The following CDK5RAP2 variants were observed in gnomAD, a reference collection of about 807,000 sequenced individuals.
CDK5RAP2 encodes the protein CDK5 regulatory subunit-associated protein 2.
Under a neutral mutation model 232.9 loss-of-function variants are expected in CDK5RAP2, and 147 were observed. The ratio of observed to expected loss-of-function variants is 0.63; its 90% CI spans 0.55 to 0.72. CDK5RAP2 has a LOEUF of 0.72. Among genes scored for constraint, CDK5RAP2 ranks in the 30% least tolerant of loss-of-function variants. CDK5RAP2 has a pLI of 0.00. For missense variants in CDK5RAP2, 2,195 were observed against 2,231.5 expected, an observed-to-expected ratio of 0.98 and a Z score of 0.33; for synonymous variants, 833 against 833.7, an observed-to-expected ratio of 1.00 and a Z score of 0.01.
In CDK5RAP2 at chr9:120,403,582, C is replaced by A; in HGVS notation, c.5041+454G>T. 3.6e-6 allele frequency: 1 copy of A among 278,122 alleles called. No homozygotes were observed. The highest frequency in any genetic ancestry group is 7.0e-6 in the Non-Finnish European group (1 of 143,188). 17.2% of individuals were successfully genotyped at this position (278,122 alleles called of 1,614,324 possible). On this transcript the variant is annotated intron_variant, in intron 33 of 37. Coordinates refer to ENST00000349780, the MANE Select transcript of CDK5RAP2 (RefSeq NM_018249.6). This position sits in a 1 kb window ranked among gnomAD's most constrained non-coding sequence, Gnocchi z 4.2. ...ACCAAGGACAGCAGCAAAGGCATGT[C>A]ACAGAGAAATGTGTATTCATGATGA...
chr9:120,407,871 T>C (rs1030705922), intron 31 of CDK5RAP2: 2 of 262,804 alleles, frequency 7.6e-6, no homozygotes, highest in Admixed American at 4.9e-5. Flanking sequence ...GAGGTGTCCA[T>C]AAATGTTTGC....
At chr9:120,525,240 T>A (rs2040847678) in intron 10 of CDK5RAP2, among the ~76,000 whole-genome samples, 162 bp from the exon 11 acceptor site, 1 of 152,214 alleles carries the variant, frequency 6.6e-6, no homozygotes, top group Non-Finnish European at 1.5e-5. Flanking sequence ...ACTAGCTGGA[T>A]GACTTCAGGC....
chr9:120,542,495 CA>C (rs369756744), intron 5 of CDK5RAP2, among the ~76,000 whole-genome samples: 133 of 93,366 alleles, frequency 1.4e-3, no homozygotes, highest in East Asian at 1.4e-3. Context: ...GACTCCATCT[CA>C]AAAAAAAAAA....
chr9:120,514,774 A>C (rs1036355410), intron 12 of CDK5RAP2, among the ~76,000 whole-genome samples: 1 of 152,186 alleles, frequency 6.6e-6, no homozygotes, highest in Admixed American at 6.5e-5. Flanking sequence ...CCCTATTGCC[A>C]TCATAGTCCC....
chr9:120,405,900 G>A (rs760558915), intron 32 of CDK5RAP2, among the ~76,000 whole-genome samples: 1 of 151,856 alleles, frequency 6.6e-6, no homozygotes, highest in Non-Finnish European at 1.5e-5. Flanking sequence ...ACAAAGAAAG[G>A]ACACACAATG....
chr9:120,566,220 A>G (rs1321900690), intron 3 of CDK5RAP2, among the ~76,000 whole-genome samples: 3 of 152,228 alleles, frequency 2.0e-5, no homozygotes, highest in Non-Finnish European at 4.4e-5. Flanking sequence ...CATACAGATC[A>G]TGCATTTTGT....
intron 29 of CDK5RAP2, among the ~76,000 whole-genome samples, chr9:120,410,984 G>A (rs1177910871): frequency 6.6e-6 from 1 of 152,204 alleles, no homozygotes; most frequent in Non-Finnish European, 1.5e-5. Flanking sequence ...TTGAGATTTT[G>A]GCAGTATTAT....
At chr9:120,441,079 T>G (rs1242323781) in intron 23 of CDK5RAP2, among the ~76,000 whole-genome samples, 1 of 152,222 alleles carries the variant, frequency 6.6e-6, no homozygotes, top group Non-Finnish European at 1.5e-5. Context: ...GACTTTACTA[T>G]CCAAGAGCCT....
intron 3 of CDK5RAP2, among the ~76,000 whole-genome samples, chr9:120,552,966 T>C (rs2042100409): frequency 2.0e-5 from 3 of 152,172 alleles, no homozygotes; most frequent in African/African-American, 7.2e-5. Flanking sequence ...TGAATATACA[T>C]GGTTGTTCAC....
chr9:120,528,907 G>A (rs1027290032), intron 8 of CDK5RAP2, 110 bp from the exon 9 acceptor site: 16 of 774,972 alleles, frequency 2.1e-5, no homozygotes, highest in Middle Eastern at 4.5e-4. Flanking sequence ...CCCCACTACT[G>A]TGGAACTCGT....
intron 12 of CDK5RAP2, among the ~76,000 whole-genome samples, chr9:120,507,430 C>G (rs1255933867): frequency 6.6e-6 from 1 of 152,054 alleles, no homozygotes; most frequent in Non-Finnish European, 1.5e-5. Flanking sequence ...GATTTGAAAC[C>G]AGGTCTACCT....
intron 7 of CDK5RAP2, among the ~76,000 whole-genome samples, chr9:120,533,535 C>A (rs1229623797): frequency 6.6e-6 from 1 of 151,604 alleles, no homozygotes; most frequent in East Asian, 1.9e-4. Flanking sequence ...CACAGTGGCT[C>A]ATGTCTGTAA....
At chr9:120,422,176 T>C (rs1013793300) in intron 26 of CDK5RAP2, among the ~76,000 whole-genome samples, 6 of 152,192 alleles carry the variant, frequency 3.9e-5, no homozygotes, top group Non-Finnish European at 7.3e-5. Context: ...AGGGAGGGTA[T>C]TGGGGAGAAC....
chr9:120,395,448 T>C (rs2032377222), intron 35 of CDK5RAP2, among the ~76,000 whole-genome samples: 1 of 152,254 alleles, frequency 6.6e-6, no homozygotes, highest in Non-Finnish European at 1.5e-5. Context: ...CAGAGTAAAC[T>C]CTGGATGGGT....
At chr9:120,427,880 A>C (rs1157290156) in intron 25 of CDK5RAP2, among the ~76,000 whole-genome samples, 1 of 152,238 alleles carries the variant, frequency 6.6e-6, no homozygotes, top group East Asian at 1.9e-4. Context: ...AGCAAATGTA[A>C]AAGAACAGAA....
chr9:120,395,430 T>C (rs1324582962), intron 35 of CDK5RAP2, among the ~76,000 whole-genome samples: 1 of 152,284 alleles, frequency 6.6e-6, no homozygotes, highest in Non-Finnish European at 1.5e-5. Flanking sequence ...GAAACTCTTC[T>C]GGTTTTCCAG....
chr9:120,553,533 G>A (rs938703785), intron 3 of CDK5RAP2, among the ~76,000 whole-genome samples: 6 of 152,158 alleles, frequency 3.9e-5, no homozygotes, highest in Non-Finnish European at 7.4e-5. Context: ...AGAAACACAA[G>A]CTAGGAAGGG....
intron 25 of CDK5RAP2, among the ~76,000 whole-genome samples, chr9:120,433,103 G>A (rs1342857801): frequency 6.6e-6 from 1 of 152,124 alleles, no homozygotes; most frequent in African/African-American, 2.4e-5. Flanking sequence ...GCAAAAGCTG[G>A]GGGAAAACAT....
intron 12 of CDK5RAP2, among the ~76,000 whole-genome samples, chr9:120,497,421 TAAAA>T (rs71385064): frequency 0.017 from 389 of 23,234 alleles, 1 homozygote; most frequent in South Asian, 0.033. Flanking sequence ...AAAATAAATT[TAAAA>T]AAAAAAAAAA....
Sources: allele counts gnomAD v4.1 joint callset (sites outside exome capture counted in the v4.1 genomes callset), GRCh38; gene constraint gnomAD v4.1.1; non-coding constraint Gnocchi (gnomAD v3.1); transcripts MANE v1.5; gene names NCBI Gene and HGNC (gene_info 2026-07-23, HGNC 2026-07-21).